Variants in NAALADL2 observed in about 807,000 individuals in gnomAD.
NAALADL2 encodes the protein inactive N-acetylated-alpha-linked acidic dipeptidase-like protein 2.
NAALADL2 carries 76 observed loss-of-function variants against 87.2 expected under a neutral mutation model. The ratio of observed to expected loss-of-function variants is 0.87; its 90% CI spans 0.72 to 1.05. The LOEUF (loss-of-function observed/expected upper bound fraction) is 1.05, where lower values mean the gene tolerates loss of function less well. Ranked by LOEUF, NAALADL2 falls within the 50% of genes least tolerant of loss-of-function variation. NAALADL2 has a pLI of 0.00. For synonymous variants in NAALADL2, 354 were observed against 331.0 expected (o/e 1.07, Z -0.75); for missense variants, 1,089 against 945.8 (o/e 1.15, Z -1.99).
chr3:175,629,346 G>A (rs2149721919), intron 11 of NAALADL2, among the ~76,000 whole-genome samples: 1 of 145,406 alleles, frequency 6.9e-6, no homozygotes, highest in Non-Finnish European at 1.5e-5. Flanking sequence ...ATATTTTTAT[G>A]AATTCATATA....
intron 3 of NAALADL2, among the ~76,000 whole-genome samples, chr3:174,749,786 A>T (rs1734641605): frequency 6.6e-6 from 1 of 152,124 alleles, no homozygotes; most frequent in Non-Finnish European, 1.5e-5. Context: ...CACTCAACAT[A>T]CCTAAGATGT....
At chr3:175,588,730 G>A (rs941130565) in intron 10 of NAALADL2, among the ~76,000 whole-genome samples, 3 of 151,818 alleles carry the variant, frequency 2.0e-5, no homozygotes, top group African/African-American at 7.3e-5. Context: ...GGTAGAGATG[G>A]GGTTTCACCG....
intron 2 of NAALADL2, among the ~76,000 whole-genome samples, chr3:174,642,439 T>C (rs779175179): frequency 1.3e-5 from 2 of 150,652 alleles, no homozygotes; most frequent in Non-Finnish European, 2.9e-5. Flanking sequence ...AGGCGCAGGT[T>C]GTGGTTAGCT....
chr3:174,745,626 A>G (rs1034307836), intron 3 of NAALADL2, among the ~76,000 whole-genome samples: 4 of 152,156 alleles, frequency 2.6e-5, no homozygotes, highest in Non-Finnish European at 5.9e-5. Context: ...CCTGGTAGAG[A>G]TACAACGACA....
chr3:175,646,553 A>G (rs1730032942), intron 11 of NAALADL2, among the ~76,000 whole-genome samples: 1 of 152,028 alleles, frequency 6.6e-6, no homozygotes, highest in Non-Finnish European at 1.5e-5. Flanking sequence ...TTGTCTTGTC[A>G]TTAGTTTTAC....
chr3:175,787,607 T>C (rs1289999519), intron 13 of NAALADL2, among the ~76,000 whole-genome samples: 1 of 152,140 alleles, frequency 6.6e-6, no homozygotes, highest in Non-Finnish European at 1.5e-5. Flanking sequence ...CTGCGCCCAC[T>C]GTCTGGCGCT....
intron 10 of NAALADL2, among the ~76,000 whole-genome samples, chr3:175,605,251 A>G (rs1041794217): frequency 5.9e-5 from 9 of 152,178 alleles, no homozygotes; most frequent in Non-Finnish European, 1.2e-4. Flanking sequence ...CAGCAATCTG[A>G]CATGAGTCAT....
chr3:175,193,127 T>G (rs1376243522), intron 2 of NAALADL2, among the ~76,000 whole-genome samples: 2 of 152,004 alleles, frequency 1.3e-5, no homozygotes, highest in Non-Finnish European at 1.5e-5. Flanking sequence ...ATGTCAGGGA[T>G]ACTTATTTAA....
intron 1 of NAALADL2, among the ~76,000 whole-genome samples, chr3:174,997,445 G>A (rs1747650745): frequency 1.3e-5 from 2 of 151,988 alleles, no homozygotes; most frequent in East Asian, 1.9e-4. Context: ...TGGCAGACAG[G>A]TAAAGACTGC....
chr3:174,782,308 T>C (rs1388063578), intron 3 of NAALADL2, among the ~76,000 whole-genome samples: 3 of 152,122 alleles, frequency 2.0e-5, no homozygotes, highest in Non-Finnish European at 4.4e-5. Context: ...AAAAGTAGTA[T>C]ATGTGTGTTT....
chr3:174,874,761 C>T (rs1434828887), intron 1 of NAALADL2, among the ~76,000 whole-genome samples: 1 of 151,958 alleles, frequency 6.6e-6, no homozygotes, highest in African/African-American at 2.4e-5. Context: ...ACACATGTGT[C>T]TTGAACAGTG....
chr3:175,697,929 A>G (rs1174530467), intron 11 of NAALADL2, among the ~76,000 whole-genome samples: 1 of 23,860 alleles, frequency 4.2e-5, no homozygotes, highest in Non-Finnish European at 6.5e-5. Flanking sequence ...ATGTATGTAT[A>G]CATATATATG....
chr3:174,552,009 A>G (rs1712185631), intron 2 of NAALADL2, among the ~76,000 whole-genome samples: 1 of 152,218 alleles, frequency 6.6e-6, no homozygotes, highest in South Asian at 2.1e-4. Context: ...TGAGAATAAT[A>G]TTCCTCTTTT....
At chr3:174,749,182 T>A in intron 3 of NAALADL2, among the ~76,000 whole-genome samples, 1 of 152,188 alleles carries the variant, frequency 6.6e-6, no homozygotes, top group East Asian at 1.9e-4. Flanking sequence ...TACTTGCCTC[T>A]CTAAACCAGT....
intron 1 of NAALADL2, among the ~76,000 whole-genome samples, chr3:175,053,265 T>G (rs1408673182): frequency 6.6e-6 from 1 of 152,214 alleles, no homozygotes; most frequent in Non-Finnish European, 1.5e-5. Context: ...GTTCTCTGTG[T>G]CAGCCTTTGT....
intron 6 of NAALADL2, chr3:175,460,261 A>T: frequency 2.2e-6 from 1 of 449,752 alleles, no homozygotes; most frequent in Non-Finnish European, 4.4e-6. Flanking sequence ...ACTCTAGTGA[A>T]AATAAACAGA....
At chr3:174,650,066 A>C (rs1294092927) in intron 2 of NAALADL2, among the ~76,000 whole-genome samples, 1 of 152,132 alleles carries the variant, frequency 6.6e-6, no homozygotes, top group African/African-American at 2.4e-5. Context: ...AGCTATGATA[A>C]CAAATGTTTT....
intron 1 of NAALADL2, among the ~76,000 whole-genome samples, chr3:175,071,451 G>A (rs78045918): frequency 0.01 from 1,589 of 151,952 alleles, 29 homozygotes; most frequent in African/African-American, 0.034. Context: ...TTTTTGTTAT[G>A]TCAGTTGTGT....
intron 9 of NAALADL2, among the ~76,000 whole-genome samples, chr3:175,574,842 A>G (rs1357085557): frequency 2.0e-5 from 3 of 152,156 alleles, no homozygotes; most frequent in African/African-American, 7.2e-5. Flanking sequence ...GTCTTGATTC[A>G]AAGGCAAACA....
Sources: gnomAD v4.1 joint callset for allele counts (sites outside exome capture counted in the v4.1 genomes callset) on GRCh38, gnomAD v4.1.1 for gene constraint, MANE v1.5 for transcripts, NCBI Gene and HGNC (gene_info 2026-07-23, HGNC 2026-07-21) for gene names.